The following GASK1B variants were observed in gnomAD, a reference collection of about 807,000 sequenced individuals.
GASK1B encodes golgi associated kinase 1B, also known as Golgi-associated kinase 1B.
Under a neutral mutation model 42.8 loss-of-function variants are expected in GASK1B, and 34 were observed. The observed-to-expected ratio is 0.79, with a 90% CI of 0.60 to 1.06. GASK1B has a LOEUF of 1.06. Ranked by LOEUF, GASK1B falls within the 50% of genes least tolerant of loss-of-function variation. The pLI, the probability that GASK1B is intolerant of heterozygous loss-of-function variation, is 0.00. For synonymous variants in GASK1B, 262 were observed against 259.1 expected, an observed-to-expected ratio of 1.01 and a Z score of -0.11; for missense variants, 686 against 661.0, an observed-to-expected ratio of 1.04 and a Z score of -0.42.
chr4:158,158,203 A>T (rs185358240), intron 2 of GASK1B, among the ~76,000 whole-genome samples: 266 of 152,272 alleles, frequency 1.7e-3, no homozygotes, highest in African/African-American at 5.0e-3. Flanking sequence ...TGACCTTATC[A>T]GGAAGAAATG....
chr4:158,127,569 C>A lies in GASK1B; in HGVS notation c.1398G>T (p.Arg466=). 1 of 1,613,534 alleles carries A rather than the reference C, an allele frequency of 6.2e-7. No homozygotes were observed. The highest frequency in any genetic ancestry group is 2.2e-5 in the East Asian group (1 of 44,852). Residue 466 remains arginine (R), a synonymous_variant, in exon 5 of 5, where the codon CGG becomes CGT. Transcript: ENST00000585682. ...AVSVLKSQHL[R]QKLLQSLFLD... ...GAAACAGAGACTGAAGAAGTTTCTG[C>A]CGTAAGTGCTGGCTCTTCAAAACAG...
chr4:158,125,385 A>C lies in GASK1B; in HGVS notation c.*2022T>G, dbSNP rs1730411313. ...AAAGCCTGTTAGTCCTACCATCAAT[A>C]TGATAAATTTGGATAAAGATGGTAA... On this transcript the variant is annotated 3_prime_UTR_variant, in exon 5 of 5. Coordinates refer to ENST00000585682, the MANE Select transcript of GASK1B (RefSeq NM_001128424.2). 6.7e-6 allele frequency: 1 copy of C among 150,196 alleles called. No homozygotes were observed. The highest frequency in any genetic ancestry group is 3.4e-3 in the Middle Eastern group (1 of 292). The allele number at this position is 150,196 out of a possible 1,614,324, so 9.3% of individuals were successfully genotyped here. A position where few individuals can be genotyped will look rare whatever the true frequency, so the allele number is the denominator to read the frequency against.
At chr4:158,146,101 T>C (rs1432230547) in intron 3 of GASK1B, among the ~76,000 whole-genome samples, 1 of 152,010 alleles carries the variant, frequency 6.6e-6, no homozygotes, top group Non-Finnish European at 1.5e-5. Context: ...CTTTCAACAT[T>C]GTTAATCTGA....
chr4:158,170,710 T>C lies in GASK1B; in HGVS notation c.666A>G (p.Arg222=). The C allele has an allele frequency of 6.2e-7, 1 of 1,614,206 alleles. No individual in the cohort carries two copies. The highest frequency in any genetic ancestry group is 8.5e-7 in the Non-Finnish European group (1 of 1,180,044). The part of the protein sequence containing the change: ...APSWLSKDDI[R]RMRLLADSAV... Reference sequence around the variant, plus strand: ...CGCTGTCCGCCAAGAGTCGCATTCTTCGGATGTCATCTTTGCTCAGCCAGG... The same window carrying C: ...CGCTGTCCGCCAAGAGTCGCATTCTCCGGATGTCATCTTTGCTCAGCCAGG... The change falls in exon 2 of 5, where the codon CGA becomes CGG. Residue 222 remains arginine (R), a synonymous_variant. Transcript: ENST00000585682.
intron 3 of GASK1B, among the ~76,000 whole-genome samples, chr4:158,141,917 T>C (rs1267117165): frequency 4.3e-5 from 3 of 69,144 alleles, no homozygotes; most frequent in Non-Finnish European, 5.6e-5. Flanking sequence ...GATGTTGTGG[T>C]TTCTTTTTTT....
At chr4:158,160,912 G>T (rs548633763) in intron 2 of GASK1B, among the ~76,000 whole-genome samples, 4 of 152,200 alleles carry the variant, frequency 2.6e-5, no homozygotes, top group African/African-American at 7.2e-5. Context: ...AAAAAGTTGA[G>T]CTCAAAAGTA....
At position 158,170,740 on chromosome 4, in the gene GASK1B, G is replaced by GGC. The variant is rs1367735688; in HGVS notation, c.634_635dup (p.Ser214ProfsTer4). 2.5e-6 allele frequency: 4 copies of GGC among 1,614,244 alleles called. No individual in the cohort carries two copies. The highest frequency in any genetic ancestry group is 3.4e-6 in the Non-Finnish European group (4 of 1,180,050). ...TGTCATCTTTGCTCAGCCAGGAGGGGGCGCTCTCGCTGTAGATCCTAATGT... is the reference window on the plus strand; with the variant it reads ...TGTCATCTTTGCTCAGCCAGGAGGGGGCGCGCTCTCGCTGTAGATCCTAATGT... On this transcript the variant is annotated frameshift_variant, in exon 2 of 5. Transcript: ENST00000585682. LOFTEE classifies it high-confidence loss of function.
In GASK1B at chr4:158,170,980, C is replaced by CA. The variant is rs1732493353; in HGVS notation, c.395_396insT (p.Lys132AsnfsTer29). ...CTGGGGCAGCCGATGCCACTGCATG[C>CA]TTTTTCCTGCGCTTGGGCTTCACGG... On this transcript the variant is annotated frameshift_variant, in exon 2 of 5. Coordinates refer to ENST00000585682, the MANE Select transcript of GASK1B (RefSeq NM_001128424.2). LOFTEE classifies it high-confidence loss of function. The CA allele has an allele frequency of 3.1e-6, 5 of 1,614,214 alleles. No individual in the cohort carries two copies. In the East Asian group the frequency reaches 1.1e-4, roughly 36 times the overall value.
At chr4:158,128,135 A>T (rs1021795009) in intron 4 of GASK1B, among the ~76,000 whole-genome samples, 4 of 152,202 alleles carry the variant, frequency 2.6e-5, no homozygotes, top group Non-Finnish European at 5.9e-5. Flanking sequence ...ATGAGATAAG[A>T]TTCATTCAAA....
intron 3 of GASK1B, among the ~76,000 whole-genome samples, chr4:158,134,060 T>C (rs533481193): frequency 6.6e-6 from 1 of 152,346 alleles, no homozygotes; most frequent in East Asian, 1.9e-4. Context: ...TAGCAAGGGC[T>C]TACGTACCTC....
intron 2 of GASK1B, among the ~76,000 whole-genome samples, chr4:158,158,219 G>A (rs1265176772): frequency 6.6e-6 from 1 of 152,084 alleles, no homozygotes; most frequent in East Asian, 1.9e-4. Context: ...AAATGAGATC[G>A]TGCCTCTAAA....
In GASK1B at chr4:158,171,003, C is replaced by A. The variant is rs369691087; in HGVS notation, c.373G>T (p.Val125Leu). Residue 125 changes from valine (V) to leucine (L), a missense_variant, in exon 2 of 5, where the codon GTG (valine) becomes TTG (leucine). Val to Leu is a conservative substitution (Grantham distance 32). Transcript: ENST00000585682. The stretch of plus-strand genomic sequence containing the variant: ...TGCTTTTTCCTGCGCTTGGGCTTCA[C>A]GGTGCCACGGATATTGGCCGGCTTG... ...RSKPANIRGT[V>L]KPKRRKKHAV... 1.2e-6 allele frequency: 2 copies of A among 1,614,008 alleles called. No homozygotes were observed. Among genetic ancestry groups the A allele is most frequent in the African/African-American group, 2.7e-5 (2 of 74,946 alleles).
At chr4:158,144,297 G>A (rs1395520446) in intron 3 of GASK1B, among the ~76,000 whole-genome samples, 8 of 152,272 alleles carry the variant, frequency 5.3e-5, no homozygotes, top group Admixed American at 2.6e-4. Context: ...ATTTTATTAA[G>A]TAGTATCATT....
chr4:158,151,102 G>GT (rs1305846074), intron 3 of GASK1B, among the ~76,000 whole-genome samples: 1 of 152,144 alleles, frequency 6.6e-6, no homozygotes, highest in Non-Finnish European at 1.5e-5. Flanking sequence ...CAACGGAAAA[G>GT]TTTTTTTCTA....
intron 2 of GASK1B, among the ~76,000 whole-genome samples, chr4:158,157,643 G>A (rs1314802242): frequency 1.3e-5 from 2 of 152,020 alleles, no homozygotes; most frequent in Admixed American, 6.6e-5. Context: ...ACAGCACTTT[G>A]CATGCTCAGG....
At position 158,127,482 on chromosome 4, in the gene GASK1B, T is replaced by A; in HGVS notation, c.1485A>T (p.Val495=). 1 of 1,613,826 alleles carries A rather than the reference T, an allele frequency of 6.2e-7. No homozygotes were observed. The highest frequency in any genetic ancestry group is 8.5e-7 in the Non-Finnish European group (1 of 1,179,798). Residue 495 remains valine, a synonymous_variant, in exon 5 of 5, where the codon GTA becomes GTT. Coordinates refer to ENST00000585682, the MANE Select transcript of GASK1B (RefSeq NM_001128424.2). The part of the protein sequence containing the change: ...GRQGIEKLID[V]IEHRAKILIT... ...TAAGAATTTTGGCTCTGTGTTCTAT[T>A]ACATCGATAAGCTTTTCAATTCCTT...
chr4:158,168,823 G>A (rs1732333354), intron 2 of GASK1B: 1 of 152,170 alleles, frequency 6.6e-6, no homozygotes. Context: ...GGGCCTTTAT[G>A]ACATGAAAAT....
In GASK1B at chr4:158,125,240, C is replaced by T. The variant is rs1313885243; in HGVS notation, c.*2167G>A. The T allele has an allele frequency of 6.6e-6, 1 of 152,148 alleles. No homozygotes were observed. The highest frequency in any genetic ancestry group is 2.4e-5 in the African/African-American group (1 of 41,446). The allele number at this position is 152,148 out of a possible 1,614,324, so 9.4% of individuals were successfully genotyped here. On this transcript the variant is annotated 3_prime_UTR_variant, in exon 5 of 5. Coordinates refer to ENST00000585682, the MANE Select transcript of GASK1B (RefSeq NM_001128424.2). ...AAAATAAACATGTTCCTGGGACTTT[C>T]ATTTAATAAGCATTTTGGAATAACT... is the stretch of plus-strand genomic sequence containing the variant.
intron 3 of GASK1B, among the ~76,000 whole-genome samples, chr4:158,135,677 T>C (rs2110939755): frequency 6.6e-6 from 1 of 152,058 alleles, no homozygotes; most frequent in Non-Finnish European, 1.5e-5. Context: ...CTCTCGGGGG[T>C]AGTCTCCAAA....
Sources: allele counts gnomAD v4.1 joint callset (sites outside exome capture counted in the v4.1 genomes callset), GRCh38; gene constraint gnomAD v4.1.1; transcripts MANE v1.5; gene names NCBI Gene and HGNC (gene_info 2026-07-23, HGNC 2026-07-21).